STAP2: variants seen among roughly 807,000 people sequenced by gnomAD.
The protein encoded by STAP2 is signal transducing adaptor family member 2, also known as signal-transducing adaptor protein 2.
A neutral mutation model predicts 52.7 loss-of-function variants in STAP2; 58 were observed. That is an observed-to-expected ratio of 1.10 (90% CI 0.89 to 1.37). The LOEUF (loss-of-function observed/expected upper bound fraction) is 1.37, where lower values mean the gene tolerates loss of function less well. Ranked by LOEUF, STAP2 falls within the 40% of genes most tolerant of loss-of-function variation. The probability of loss-of-function intolerance (pLI) is 0.00; values close to 1 mark genes in which losing one functional copy is unlikely to be tolerated. For synonymous variants in STAP2, 231 were observed against 210.5 expected (o/e 1.10, Z -0.84); for missense variants, 522 against 519.4 (o/e 1.00, Z -0.05).
chr19:4,335,698 C>G (rs905703265), intron 1 of STAP2, among the ~76,000 whole-genome samples: 1 of 152,114 alleles, frequency 6.6e-6, no homozygotes, highest in African/African-American at 2.4e-5. Flanking sequence ...TATGTACCCA[C>G]GATGTGCTGT....
intron 11 of STAP2, 63 bp downstream of exon 11, chr19:4,325,149 AAAAG>A: frequency 4.3e-6 from 6 of 1,395,774 alleles, no homozygotes; most frequent in Non-Finnish European, 5.8e-6. Context: ...AAAAAAAAAA[AAAAG>A]TCAGATGAGG....
chr19:4,328,913 G>C (rs59196549), intron 5 of STAP2, 104 bp from the exon 6 acceptor site: 1 of 1,465,644 alleles, frequency 6.8e-7, no homozygotes, highest in Non-Finnish European at 9.1e-7. Flanking sequence ...CCATCCCCTA[G>C]GCCCAGGAGA....
At chr19:4,327,046 C>G (rs1971804306) in intron 8 of STAP2, 39 bp from the exon 9 acceptor site, 1 of 1,596,886 alleles carries the variant, frequency 6.3e-7, no homozygotes, top group Non-Finnish European at 8.5e-7. Flanking sequence ...GCGCGGCGGC[C>G]AGGGGCGGCC....
chr19:4,331,768 T>TA (rs575849635), intron 4 of STAP2, among the ~76,000 whole-genome samples: 8 of 146,772 alleles, frequency 5.5e-5, no homozygotes, highest in African/African-American at 2.0e-4. Flanking sequence ...CCGTCTCTAC[T>TA]AAAATACAAA....
Position 4,333,720 on chromosome 19 carries a change from G to A in STAP2, c.271C>T (p.Leu91Phe), listed in dbSNP as rs1971929373. Residue 91 changes from leucine (L) to phenylalanine (F), a missense_variant, in exon 3 of 13, where the codon CTC becomes TTC. By Grantham distance (22) the Leu-to-Phe change is conservative. Transcript: ENST00000594605. ...RDPGTHFSLI[L>F]RDQEIKFKVE... ...TTGAACTTGATCTCCTGATCCCGGA[G>A]AATCAGGCTGAAGTGGGTGCCAGGG... The A allele has an allele frequency of 6.2e-7, 1 of 1,612,740 alleles. No individual in the cohort carries two copies. Among genetic ancestry groups the A allele is most frequent in the South Asian group, 1.1e-5 (1 of 91,004 alleles).
At chr19:4,331,881 G>A in intron 4 of STAP2, 141 bp downstream of exon 4, 2 of 740,150 alleles carry the variant, frequency 2.7e-6, no homozygotes, top group Non-Finnish European at 4.3e-6. Flanking sequence ...GCAGTGAGCC[G>A]AGATCGCACC....
At chr19:4,324,351 G>A in intron 12 of STAP2, 104 bp downstream of exon 12, 2 of 1,312,728 alleles carry the variant, frequency 1.5e-6, no homozygotes, top group Non-Finnish European at 2.1e-6. Context: ...GACAGAGACA[G>A]CAGAACCTTA....
chr19:4,331,554 G>A (rs949191510), intron 4 of STAP2, among the ~76,000 whole-genome samples: 2 of 149,070 alleles, frequency 1.3e-5, no homozygotes, highest in African/African-American at 2.5e-5. Context: ...TGCTTGAACC[G>A]GGGAGGCAGA....
In STAP2 at chr19:4,330,039, G is replaced by T. The variant is rs372923219; in HGVS notation, c.377C>A (p.Thr126Asn). 3.1e-6 allele frequency: 5 copies of T among 1,613,638 alleles called. No homozygotes were observed. In the African/African-American group the frequency reaches 6.7e-5, roughly 22 times the overall value. ...CATGTATAGGTGCCCAGGAAGCAGG[G>T]TCAAGTCGGTCGGGACACGGAGCTG... Reference protein sequence around the residue: ...VVELRVPTDLTLLPGHLYMMS... With the variant: ...VVELRVPTDLNLLPGHLYMMS... Residue 126 changes from threonine (T) to asparagine (N), a missense_variant, in exon 5 of 13, where the codon ACC (threonine) becomes AAC (asparagine). Physicochemically the swap from Thr to Asn is moderately conservative, Grantham distance 65. Coordinates refer to ENST00000594605, the MANE Select transcript of STAP2 (RefSeq NM_001013841.2).
rs200559664 is a variant in STAP2, at chr19:4,331,981, T to C, written c.354+41A>G. The C allele has an allele frequency of 4.1e-5, 65 of 1,585,826 alleles. No individual in the cohort carries two copies. In the South Asian group the frequency reaches 6.6e-4, roughly 16 times the overall value. On this transcript the variant is annotated intron_variant, in intron 4 of 12. Coordinates refer to ENST00000594605, the MANE Select transcript of STAP2 (RefSeq NM_001013841.2). Reference sequence around the variant, plus strand: ...AAAAAGGAGGCTTTTTGAGGAGATCTGGAGAATGGGAGAGAGGGCGCAGAG... The same window carrying C: ...AAAAAGGAGGCTTTTTGAGGAGATCCGGAGAATGGGAGAGAGGGCGCAGAG...
chr19:4,325,191 G>T, intron 11 of STAP2, 25 bp downstream of exon 11: 2 of 1,556,384 alleles, frequency 1.3e-6, no homozygotes, highest in Non-Finnish European at 1.7e-6. Flanking sequence ...ATCAGGTGAG[G>T]GTGGGATATG....
intron 5 of STAP2, 65 bp from the exon 6 acceptor site, chr19:4,328,874 C>A: frequency 6.4e-7 from 1 of 1,564,678 alleles, no homozygotes. Context: ...GCACGTAAAC[C>A]CTGCCTCCTC....
At chr19:4,330,702 T>C (rs1415895312) in intron 4 of STAP2, among the ~76,000 whole-genome samples, 1 of 149,258 alleles carries the variant, frequency 6.7e-6, no homozygotes, top group Admixed American at 6.7e-5. Flanking sequence ...TGATAAATGA[T>C]GTCAGCTAAT....
At chr19:4,337,022 A>G (rs570696329) in intron 1 of STAP2, among the ~76,000 whole-genome samples, 1 of 152,186 alleles carries the variant, frequency 6.6e-6, no homozygotes, top group East Asian at 1.9e-4. Context: ...AGGTAGAAGG[A>G]AAGTCTACTC....
chr19:4,334,686 C>G (rs1599555006), intron 1 of STAP2, among the ~76,000 whole-genome samples: 2 of 150,578 alleles, frequency 1.3e-5, no homozygotes, highest in African/African-American at 2.4e-5. Flanking sequence ...ATCCATCTAT[C>G]CATCATGGAG....
Position 4,324,817 on chromosome 19 carries a change from C to A in STAP2, c.1073-288G>T, listed in dbSNP as rs149524048. ...ACTGCCTGGGCAACAGAGTGAGACT[C>A]CATCTCAAAACAAAAAACAACAATA... is the stretch of plus-strand genomic sequence containing the variant. On this transcript the variant is annotated intron_variant, in intron 11 of 12. Coordinates refer to ENST00000594605, the MANE Select transcript of STAP2 (RefSeq NM_001013841.2). 1,962 of 417,706 alleles carry A rather than the reference C, an allele frequency of 4.7e-3. 11 individuals carry two copies. The highest frequency in any genetic ancestry group is 6.1e-3 in the Non-Finnish European group (1,413 of 231,024). 25.9% of individuals were successfully genotyped at this position (417,706 alleles called of 1,614,324 possible).
chr19:4,328,631 C>G, intron 6 of STAP2, 44 bp downstream of exon 6: 125 of 905,458 alleles, frequency 1.4e-4, no homozygotes, highest in Non-Finnish European at 1.7e-4. Context: ...CCACCCTCTT[C>G]CCACCCTCCT....
At chr19:4,326,855 G>A (rs1971799908) in intron 9 of STAP2, 87 bp downstream of exon 9, 6 of 1,470,308 alleles carry the variant, frequency 4.1e-6, no homozygotes, top group Non-Finnish European at 5.6e-6. Context: ...GATGCAGGAG[G>A]TGCAGCCACC....
chr19:4,324,909 C>A (rs960404787), intron 11 of STAP2: 4 of 411,418 alleles, frequency 9.7e-6, no homozygotes, highest in Non-Finnish European at 1.8e-5. Context: ...CCGAGGTGGG[C>A]GGATCACGAG....
Sources: gnomAD v4.1 joint callset for allele counts (sites outside exome capture counted in the v4.1 genomes callset) on GRCh38, gnomAD v4.1.1 for gene constraint, MANE v1.5 for transcripts, NCBI Gene and HGNC (gene_info 2026-07-23, HGNC 2026-07-21) for gene names.